The following PCNX2 variants were observed in gnomAD, a reference collection of about 807,000 sequenced individuals.
The protein encoded by PCNX2 is pecanex-like protein 2.
In PCNX2, 168 loss-of-function variants were observed where a neutral mutation model predicts 223.8. That is an observed-to-expected ratio of 0.75 (90% CI 0.66 to 0.85). The LOEUF is 0.85. PCNX2 is among the 40% of genes least tolerant of loss of function. The pLI, the probability that PCNX2 is intolerant of heterozygous loss-of-function variation, is 0.00. For missense variants in PCNX2, 2,507 were observed against 2,675.5 expected (o/e 0.94, Z 1.39); for synonymous variants, 1,006 against 1,052.6 (o/e 0.96, Z 0.86).
intron 22 of PCNX2, among the ~76,000 whole-genome samples, chr1:233,092,890 C>T (rs1673944522): frequency 6.6e-6 from 1 of 152,186 alleles, no homozygotes; most frequent in African/African-American, 2.4e-5. Context: ...CCTCCGCCTC[C>T]CAGGTTCAAG....
At chr1:233,133,179 G>T (rs563745582) in intron 21 of PCNX2, among the ~76,000 whole-genome samples, 1 of 152,066 alleles carries the variant, frequency 6.6e-6, no homozygotes, top group Admixed American at 6.5e-5. Context: ...GATTACAGGC[G>T]TGAGCCACTG....
At chr1:233,120,621 G>A (rs1675727168) in intron 21 of PCNX2, among the ~76,000 whole-genome samples, 1 of 152,094 alleles carries the variant, frequency 6.6e-6, no homozygotes, top group Non-Finnish European at 1.5e-5. Context: ...ACAACAACCT[G>A]GATGAATAAT....
At chr1:233,022,730 C>T (rs919722857) in intron 26 of PCNX2, among the ~76,000 whole-genome samples, 6 of 144,010 alleles carry the variant, frequency 4.2e-5, no homozygotes, top group African/African-American at 1.6e-4. Flanking sequence ...CAGAGTCTCG[C>T]TCTGTTGCCC....
intron 19 of PCNX2, among the ~76,000 whole-genome samples, chr1:233,158,716 T>C (rs1206454984): frequency 6.6e-6 from 1 of 152,208 alleles, no homozygotes; most frequent in African/African-American, 2.4e-5. Flanking sequence ...CAGTTAAAGC[T>C]TCTTACTTCA....
chr1:233,201,855 A>G (rs1681134937), intron 13 of PCNX2: 3 of 173,668 alleles, frequency 1.7e-5, no homozygotes, highest in African/African-American at 7.2e-5. Context: ...AAAGAATTGG[A>G]ACACAATGAA....
intron 13 of PCNX2, among the ~76,000 whole-genome samples, chr1:233,206,053 A>G (rs1681433306): frequency 6.6e-6 from 1 of 152,046 alleles, no homozygotes; most frequent in Non-Finnish European, 1.5e-5. Flanking sequence ...AAGGAACACA[A>G]TGTGTGAGAA....
chr1:233,313,002 A>T, the PCNX2 span, among the ~76,000 whole-genome samples: 2 of 152,206 alleles, frequency 1.3e-5, no homozygotes, highest in African/African-American at 4.8e-5. Flanking sequence ...TGCTAAACTG[A>T]CTTATAACTC....
At chr1:233,232,571 T>C (rs1658131028) in intron 9 of PCNX2, among the ~76,000 whole-genome samples, 1 of 152,196 alleles carries the variant, frequency 6.6e-6, no homozygotes, top group African/African-American at 2.4e-5. Context: ...AAAGTATTAA[T>C]ATACTTTCAA....
chr1:233,284,991 T>A, intron 1 of PCNX2: 1 of 985,338 alleles, frequency 1.0e-6, no homozygotes, highest in Non-Finnish European at 1.2e-6. Flanking sequence ...TAACTACCTA[T>A]AATGAGCAGG....
At chr1:233,061,652 C>T (rs561935375) in intron 23 of PCNX2, among the ~76,000 whole-genome samples, 1 of 152,270 alleles carries the variant, frequency 6.6e-6, no homozygotes, top group Non-Finnish European at 1.5e-5. Flanking sequence ...GGATTTTGAT[C>T]TGAATTTTCA....
At chr1:233,304,736 T>C in the PCNX2 span, among the ~76,000 whole-genome samples, 1 of 152,138 alleles carries the variant, frequency 6.6e-6, no homozygotes, top group Middle Eastern at 3.2e-3. Context: ...AAATACGTTA[T>C]TGGTATTGCA....
At chr1:233,321,490 G>T in the PCNX2 span, among the ~76,000 whole-genome samples, 1 of 152,022 alleles carries the variant, frequency 6.6e-6, no homozygotes, top group African/African-American at 2.4e-5. Context: ...TAGAGATGGG[G>T]TTTCACCATT....
rs377258262 is a variant in PCNX2 at position 233,263,091 on chromosome 1, G to C, written c.226C>G (p.Leu76Val). The part of the protein sequence containing the change: ...AVTIFFTIIK[L>V]VSYRLHLMFD... ...ATGAGGTGTAGGCGATAACTGACCAGTTTGATTATTGTGAAGAATATAGTC... is the reference window on the plus strand; with the variant it reads ...ATGAGGTGTAGGCGATAACTGACCACTTTGATTATTGTGAAGAATATAGTC... Residue 76 changes from leucine (L) to valine (V), a missense_variant, in exon 2 of 34, where the codon CTG becomes GTG. This residue lies in a region of PCNX2 where 1,031 missense variants were observed against 1,021.7 expected (regional missense o/e 1.01). Coordinates refer to ENST00000258229, the MANE Select transcript of PCNX2 (RefSeq NM_014801.4). The C allele has an allele frequency of 1.1e-5, 18 of 1,613,146 alleles. No individual in the cohort carries two copies. Among genetic ancestry groups the C allele is most frequent in the South Asian group, 2.2e-5 (2 of 91,070 alleles).
At chr1:233,060,329 A>G (rs543880781) in intron 23 of PCNX2, among the ~76,000 whole-genome samples, 4 of 152,360 alleles carry the variant, frequency 2.6e-5, no homozygotes, top group African/African-American at 7.2e-5. Flanking sequence ...AGCAGAATAA[A>G]CAACTTTTAA....
At chr1:233,123,477 G>C (rs1248162410) in intron 21 of PCNX2, among the ~76,000 whole-genome samples, 2 of 152,040 alleles carry the variant, frequency 1.3e-5, no homozygotes, top group Non-Finnish European at 2.9e-5. Flanking sequence ...AACTACTCGG[G>C]AGGCTGAGGC....
At chr1:233,166,265 C>T (rs183921806) in intron 17 of PCNX2, among the ~76,000 whole-genome samples, 2 of 152,120 alleles carry the variant, frequency 1.3e-5, no homozygotes, top group East Asian at 1.9e-4. Context: ...ATTAACTCAA[C>T]ATCATGAACC....
At chr1:233,132,852 T>C (rs1676577812) in intron 21 of PCNX2, among the ~76,000 whole-genome samples, 1 of 151,968 alleles carries the variant, frequency 6.6e-6, no homozygotes, top group African/African-American at 2.4e-5. Flanking sequence ...ATGTAAATAA[T>C]GCCTGAGTCA....
intron 12 of PCNX2, among the ~76,000 whole-genome samples, chr1:233,210,958 G>A (rs1368056697): frequency 6.6e-6 from 1 of 152,202 alleles, no homozygotes; most frequent in Admixed American, 6.5e-5. Flanking sequence ...GAAGGAGCAA[G>A]GTTCGAGACT....
chr1:233,091,556 C>T (rs985732662), intron 22 of PCNX2, among the ~76,000 whole-genome samples: 1 of 151,766 alleles, frequency 6.6e-6, no homozygotes, highest in Non-Finnish European at 1.5e-5. Flanking sequence ...CATACATTTT[C>T]GTAGATTTAA....
Sources: gnomAD v4.1 joint callset for allele counts (sites outside exome capture counted in the v4.1 genomes callset) on GRCh38, gnomAD v4.1.1 for gene constraint, gnomAD v4.1.1 regional missense constraint, MANE v1.5 for transcripts, NCBI Gene and HGNC (gene_info 2026-07-23, HGNC 2026-07-21) for gene names.